Variants in ATAD3B observed in about 807,000 individuals in gnomAD.
ATAD3B encodes the protein ATPase family AAA domain-containing protein 3B.
In ATAD3B, 59 loss-of-function variants were observed where a neutral mutation model predicts 70.2. The ratio of observed to expected loss-of-function variants is 0.84; its 90% CI spans 0.68 to 1.04. ATAD3B has a LOEUF of 1.04. Among genes scored for constraint, ATAD3B ranks in the 50% least tolerant of loss-of-function variants. The pLI, the probability that ATAD3B is intolerant of heterozygous loss-of-function variation, is 0.00. For synonymous variants in ATAD3B, 423 were observed against 388.6 expected, an observed-to-expected ratio of 1.09 and a Z score of -1.04; for missense variants, 961 against 913.4, an observed-to-expected ratio of 1.05 and a Z score of -0.67.
chr1:1,502,316 G>A (rs567322150), downstream of ATAD3B, among the ~76,000 whole-genome samples: 4 of 151,096 alleles, frequency 2.6e-5, no homozygotes, highest in South Asian at 8.3e-4. Flanking sequence ...CCGGGTTCAC[G>A]CCATTCTCCT....
chr1:1,475,563 G>A (rs1323042590), intron 1 of ATAD3B, among the ~76,000 whole-genome samples: 2 of 152,018 alleles, frequency 1.3e-5, no homozygotes, highest in Admixed American at 6.6e-5. Flanking sequence ...GCCCCATGCC[G>A]CCTCGTTCCC....
At chr1:1,474,768 T>C (rs1639511456) in intron 1 of ATAD3B, among the ~76,000 whole-genome samples, 2 of 152,060 alleles carry the variant, frequency 1.3e-5, no homozygotes, top group Non-Finnish European at 2.9e-5. Context: ...CCCAAAGCGC[T>C]GGGATGACAG....
Position 1,496,416 on chromosome 1 carries a change from C to T in ATAD3B, c.*599C>T, listed in dbSNP as rs372459802. Reference sequence around the variant, plus strand: ...CCGCCTGCGCCCCACCAGCCCCTCCCTCCTGAAGGAGGGGCACCCCGAGAA... The same window carrying T: ...CCGCCTGCGCCCCACCAGCCCCTCCTTCCTGAAGGAGGGGCACCCCGAGAA... On this transcript the variant is annotated 3_prime_UTR_variant, in exon 16 of 16. Transcript: ENST00000673477. 2 of 215,818 alleles carry T rather than the reference C, an allele frequency of 9.3e-6. No individual in the cohort carries two copies. Among genetic ancestry groups the T allele is most frequent in the African/African-American group, 2.4e-5 (1 of 42,406 alleles). The allele number at this position is 215,818 out of a possible 1,614,324, so 13.4% of individuals were successfully genotyped here.
At chr1:1,483,421 C>T (rs933949885) in intron 7 of ATAD3B, 7 of 241,912 alleles carry the variant, frequency 2.9e-5, no homozygotes, top group South Asian at 8.2e-5. Context: ...GAGCTGAAAC[C>T]GCACAATTGC....
chr1:1,478,417 C>G (rs1639711857), intron 2 of ATAD3B: 2 of 1,508,454 alleles, frequency 1.3e-6, no homozygotes, highest in Non-Finnish European at 1.8e-6. Flanking sequence ...TGACCTCCCT[C>G]CCCGGGGGCC....
downstream of ATAD3B, among the ~76,000 whole-genome samples, chr1:1,501,915 G>C (rs889274181): frequency 7.9e-5 from 12 of 151,526 alleles, no homozygotes; most frequent in African/African-American, 2.4e-4. Flanking sequence ...AGTCTCACTC[G>C]TCGCCGAGGC....
intron 15 of ATAD3B, among the ~76,000 whole-genome samples, chr1:1,495,284 G>C (rs1640723731): frequency 6.6e-6 from 1 of 152,002 alleles, no homozygotes; most frequent in South Asian, 2.1e-4. Context: ...TGAGGACGCA[G>C]GCAGGGCTGT....
At position 1,488,325 on chromosome 1, in the gene ATAD3B, A is replaced by G. The variant is rs538579253; in HGVS notation, c.1266+411A>G. Among the ~76,000 whole-genome samples the G allele has an allele frequency of 1.2e-3, 181 of 152,102 alleles. 1 individual carries two copies. Among genetic ancestry groups the G allele is most frequent in the African/African-American group, 4.0e-3 (168 of 41,512 alleles). ...AGTGCAGGGGCGACATCTCCAGCTCAAGCAGTCCTCCTGCCTCAGCCTCCC... is the reference window on the plus strand; with the variant it reads ...AGTGCAGGGGCGACATCTCCAGCTCGAGCAGTCCTCCTGCCTCAGCCTCCC... On this transcript the variant is annotated intron_variant, in intron 12 of 15. Transcript: ENST00000673477.
intron 12 of ATAD3B, among the ~76,000 whole-genome samples, chr1:1,488,478 T>C (rs940165905): frequency 6.6e-6 from 1 of 151,578 alleles, no homozygotes; most frequent in African/African-American, 2.4e-5. Context: ...TCACCGGCCT[T>C]GGCCTGGCAC....
intron 1 of ATAD3B, among the ~76,000 whole-genome samples, chr1:1,475,138 C>A (rs2100520082): frequency 6.7e-6 from 1 of 149,238 alleles, no homozygotes; most frequent in African/African-American, 2.5e-5. Flanking sequence ...CCGCAGTCCG[C>A]TCTGCCGGCG....
the ATAD3B span, among the ~76,000 whole-genome samples, chr1:1,508,667 G>A: frequency 6.6e-6 from 1 of 151,426 alleles, no homozygotes; most frequent in African/African-American, 2.5e-5. Context: ...GACACCGAGG[G>A]CCACAGCCCC....
At chr1:1,501,720 T>G (rs1214264692), downstream of ATAD3B, among the ~76,000 whole-genome samples, 1 of 152,110 alleles carries the variant, frequency 6.6e-6, no homozygotes, top group Non-Finnish European at 1.5e-5. Context: ...TTCCTGTTAG[T>G]TACTCATTGT....
At position 1,487,870 on chromosome 1, in the gene ATAD3B, C is replaced by A; in HGVS notation, c.1222C>A (p.Leu408Ile). Residue 408 changes from leucine to isoleucine, a missense_variant, in exon 12 of 16, where the codon CTC (leucine) becomes ATC (isoleucine). Around this residue, in one of 4 missense-constraint regions of ATAD3B, gnomAD observed 417 missense variants for 335.0 expected, o/e 1.24. Transcript: ENST00000673477. ...WANTSRRGLL[L>I]FMDEADAFLR... The stretch of plus-strand genomic sequence containing the variant: ...CCTCTCTCTCGTTCACAGCCTCCTG[C>A]TCTTCATGGATGAAGCAGACGCCTT... 1 of 1,613,156 alleles carries A rather than the reference C, an allele frequency of 6.2e-7. No individual in the cohort carries two copies. Among genetic ancestry groups the A allele is most frequent in the Non-Finnish European group, 8.5e-7 (1 of 1,179,464 alleles).
chr1:1,501,875 G>A (rs762789087), downstream of ATAD3B, among the ~76,000 whole-genome samples: 7 of 151,834 alleles, frequency 4.6e-5, no homozygotes, highest in Non-Finnish European at 8.8e-5. Flanking sequence ...TTTTTGTTTT[G>A]TTTTGTTTTG....
chr1:1,505,189 TAGGTA>T, the ATAD3B span, among the ~76,000 whole-genome samples: 1 of 152,036 alleles, frequency 6.6e-6, no homozygotes, highest in Non-Finnish European at 1.5e-5. Flanking sequence ...TCTCCAGTGA[TAGGTA>T]AGGTCACGTG....
At chr1:1,486,308 T>C (rs1297528868) in intron 10 of ATAD3B, 73 bp downstream of exon 10, 1 of 1,607,304 alleles carries the variant, frequency 6.2e-7, no homozygotes, top group East Asian at 2.2e-5. Context: ...TCTGGGGGCC[T>C]CAGCCGCCTG....
chr1:1,484,903 G>T (rs960885431), intron 7 of ATAD3B, 113 bp from the exon 8 acceptor site: 4 of 1,471,054 alleles, frequency 2.7e-6, no homozygotes, highest in African/African-American at 2.8e-5. Flanking sequence ...CCAGCACACG[G>T]CCCTGTGCTT....
rs1639878368 is a variant in ATAD3B at position 1,480,905 on chromosome 1, G to A, written c.483G>A (p.Glu161=). The part of the protein sequence containing the change: ...LNEENLRKQE[E]SVQKQEAMRR... ...AGGAGAATTTACGGAAGCAGGAGGAGTCCGTGCAGAAGCAGGAAGCCATGC... is the reference window on the plus strand; with the variant it reads ...AGGAGAATTTACGGAAGCAGGAGGAATCCGTGCAGAAGCAGGAAGCCATGC... The change falls in exon 5 of 16, where the codon GAG becomes GAA. Residue 161 remains glutamate, a synonymous_variant. Coordinates refer to ENST00000673477, the MANE Select transcript of ATAD3B (RefSeq NM_031921.6). 6.3e-7 allele frequency: 1 copy of A among 1,593,650 alleles called. No homozygotes were observed. The highest frequency in any genetic ancestry group is 8.5e-7 in the Non-Finnish European group (1 of 1,171,886).
At chr1:1,478,537 T>G (rs1639720009) in intron 2 of ATAD3B, 107 bp from the exon 3 acceptor site, 2 of 1,549,994 alleles carry the variant, frequency 1.3e-6, no homozygotes, top group Non-Finnish European at 1.7e-6. Context: ...CACACACTAG[T>G]CTGGGCACGG....
Sources: allele counts gnomAD v4.1 joint callset (sites outside exome capture counted in the v4.1 genomes callset), GRCh38; gene constraint gnomAD v4.1.1; regional missense constraint gnomAD v4.1.1; transcripts MANE v1.5; gene names NCBI Gene and HGNC (gene_info 2026-07-23, HGNC 2026-07-21).